Variants in SLIT3 observed in about 807,000 individuals in gnomAD.
SLIT3 encodes the protein slit guidance ligand 3, also known as slit homolog 3 protein.
A neutral mutation model predicts 184.0 loss-of-function variants in SLIT3; 68 were observed. The ratio of observed to expected loss-of-function variants is 0.37; its 90% CI spans 0.30 to 0.45. The LOEUF (loss-of-function observed/expected upper bound fraction) is 0.45. Among genes scored for constraint, SLIT3 ranks in the 20% least tolerant of loss-of-function variants. SLIT3 has a pLI of 1.00. For missense variants in SLIT3, 1,707 were observed against 2,026.0 expected (o/e 0.84, Z 3.02); for synonymous variants, 831 against 828.6 (o/e 1.00, Z -0.05).
chr5:168,769,488 C>G (rs751581301), intron 14 of SLIT3, among the ~76,000 whole-genome samples: 14 of 152,186 alleles, frequency 9.2e-5, no homozygotes, highest in Non-Finnish European at 1.2e-4. Flanking sequence ...CATGTTGGAC[C>G]AGTTAGGAAG....
At chr5:168,741,100 C>A (rs1237301486) in intron 20 of SLIT3, among the ~76,000 whole-genome samples, 1 of 152,182 alleles carries the variant, frequency 6.6e-6, no homozygotes, top group Non-Finnish European at 1.5e-5. Context: ...GACCTCCCTT[C>A]CTTCCCCTGG....
chr5:168,828,780 A>C (rs1289493829), intron 6 of SLIT3, among the ~76,000 whole-genome samples: 1 of 152,172 alleles, frequency 6.6e-6, no homozygotes, highest in Non-Finnish European at 1.5e-5. Flanking sequence ...GGTGGGTCTC[A>C]GCCTTGTGTG....
chr5:168,687,246 A>G, intron 29 of SLIT3, 130 bp from the exon 30 acceptor site: 1 of 1,027,322 alleles, frequency 9.7e-7, no homozygotes, highest in South Asian at 1.6e-5. Flanking sequence ...TGGGATCTGC[A>G]AAGCCTGGCT....
At chr5:169,117,663 TA>T (rs1178867112) in intron 4 of SLIT3, among the ~76,000 whole-genome samples, 1 of 152,202 alleles carries the variant, frequency 6.6e-6, no homozygotes, top group African/African-American at 2.4e-5. Flanking sequence ...TCTGTTTGTT[TA>T]AAAAGTCTCA....
chr5:169,205,772 A>T (rs1347001218), intron 3 of SLIT3, among the ~76,000 whole-genome samples: 1 of 152,240 alleles, frequency 6.6e-6, no homozygotes, highest in Non-Finnish European at 1.5e-5. Context: ...CAGCTGTTAA[A>T]ACTAGAGTAT....
chr5:169,149,176 A>G (rs530844883), intron 4 of SLIT3, among the ~76,000 whole-genome samples: 41 of 152,294 alleles, frequency 2.7e-4, no homozygotes, highest in Admixed American at 2.4e-3. Flanking sequence ...CTAATCACAC[A>G]CTAATTGCAT....
chr5:168,810,717 C>T (rs557389605), intron 8 of SLIT3, among the ~76,000 whole-genome samples: 2 of 152,094 alleles, frequency 1.3e-5, no homozygotes, highest in South Asian at 2.1e-4. Flanking sequence ...GTCTTTAAGG[C>T]CCCCTGGACC....
At chr5:168,860,981 T>A (rs916619422) in intron 5 of SLIT3, among the ~76,000 whole-genome samples, 1 of 152,140 alleles carries the variant, frequency 6.6e-6, no homozygotes, top group Non-Finnish European at 1.5e-5. Flanking sequence ...GGCATTGACC[T>A]CTCTGTATCA....
intron 5 of SLIT3, among the ~76,000 whole-genome samples, chr5:168,871,199 CAT>C (rs1759506080): frequency 6.6e-6 from 1 of 152,338 alleles, no homozygotes; most frequent in Non-Finnish European, 1.5e-5. Flanking sequence ...GCTTCCAGCA[CAT>C]GTCTTTTTTC....
chr5:168,732,275 C>T (rs1581016024), intron 20 of SLIT3, among the ~76,000 whole-genome samples: 1 of 151,894 alleles, frequency 6.6e-6, no homozygotes, highest in Admixed American at 6.6e-5. Context: ...AGATGTCTAT[C>T]AGGAGAACTA....
chr5:169,225,004 C>T (rs1314990658), intron 3 of SLIT3, among the ~76,000 whole-genome samples: 1 of 152,150 alleles, frequency 6.6e-6, no homozygotes, highest in Non-Finnish European at 1.5e-5. Context: ...ATTAAATACA[C>T]ACTTTAAAAT....
rs189514607 is a variant in SLIT3, at chr5:169,079,543, A to G, written c.413+113936T>C. On this transcript the variant is annotated intron_variant, in intron 4 of 35. Transcript: ENST00000519560. The stretch of plus-strand genomic sequence containing the variant: ...GAGGGAGGAGGAAGGAGGAGGAGGA[A>G]GAAGGAGGAAGAAGGAGGAGGAGGA... Among the ~76,000 whole-genome samples the G allele has an allele frequency of 9.0e-3, 844 of 93,472 alleles. 49 individuals carry two copies. The highest frequency in any genetic ancestry group is 0.077 in the Admixed American group (710 of 9,230). The allele number at this position is 93,472 out of a possible 152,430, so 61.3% of individuals were successfully genotyped here.
intron 3 of SLIT3, among the ~76,000 whole-genome samples, chr5:169,214,299 C>T (rs899111932): frequency 2.0e-5 from 3 of 152,226 alleles, no homozygotes; most frequent in Admixed American, 1.3e-4. Flanking sequence ...TGCTCTAAGG[C>T]AGCAGGCAGC....
intron 4 of SLIT3, among the ~76,000 whole-genome samples, chr5:169,067,968 GAACT>G: frequency 6.6e-6 from 1 of 152,206 alleles, no homozygotes. Flanking sequence ...TCACAATAAT[GAACT>G]AATACAGCAG....
chr5:169,209,904 C>G (rs1184095374), intron 3 of SLIT3, among the ~76,000 whole-genome samples: 1 of 151,936 alleles, frequency 6.6e-6, no homozygotes, highest in African/African-American at 2.4e-5. Context: ...ATGTAACAAA[C>G]CTGCACGTTC....
chr5:169,226,782 G>A (rs1020925259), intron 3 of SLIT3, among the ~76,000 whole-genome samples: 2 of 152,162 alleles, frequency 1.3e-5, no homozygotes, highest in Non-Finnish European at 2.9e-5. Flanking sequence ...ATGGGTCTCA[G>A]GAGGCTCAAA....
chr5:168,958,878 G>A (rs549736066), intron 4 of SLIT3, among the ~76,000 whole-genome samples: 2 of 152,262 alleles, frequency 1.3e-5, no homozygotes, highest in Non-Finnish European at 2.9e-5. Flanking sequence ...CCTATCCATG[G>A]CTTATGAATG....
chr5:168,774,417 G>A (rs778467225), intron 12 of SLIT3, 39 bp from the exon 13 acceptor site: 6 of 1,575,934 alleles, frequency 3.8e-6, no homozygotes, highest in Non-Finnish European at 5.2e-6. Flanking sequence ...CACTAATCCT[G>A]GTAATTACCT....
chr5:168,767,240 C>G (rs993971443), intron 14 of SLIT3, among the ~76,000 whole-genome samples: 3 of 151,494 alleles, frequency 2.0e-5, no homozygotes, highest in Non-Finnish European at 4.4e-5. Flanking sequence ...AAGAGTCACA[C>G]CTCATGATGG....
Sources: gnomAD v4.1 joint callset for allele counts (sites outside exome capture counted in the v4.1 genomes callset) on GRCh38, gnomAD v4.1.1 for gene constraint, MANE v1.5 for transcripts, NCBI Gene and HGNC (gene_info 2026-07-23, HGNC 2026-07-21) for gene names.